GNAQ: variants seen among roughly 807,000 people sequenced by gnomAD.
The protein encoded by GNAQ is G protein subunit alpha q, also known as guanine nucleotide-binding protein G(q) subunit alpha.
Under a neutral mutation model 43.9 loss-of-function variants are expected in GNAQ, and 8 were observed. The ratio of observed to expected loss-of-function variants is 0.18; its 90% CI spans 0.11 to 0.33. GNAQ has a LOEUF of 0.33. Among genes scored for constraint, GNAQ ranks in the 10% least tolerant of loss-of-function variants. The probability of loss-of-function intolerance (pLI) is 1.00; values close to 1 mark genes in which losing one functional copy is unlikely to be tolerated. For missense variants in GNAQ, 158 were observed against 450.8 expected (o/e 0.35, Z 5.88); for synonymous variants, 155 against 170.7 (o/e 0.91, Z 0.71).
At chr9:77,941,253 A>G (rs369949675) in intron 1 of GNAQ, among the ~76,000 whole-genome samples, 1 of 151,590 alleles carries the variant, frequency 6.6e-6, no homozygotes, top group East Asian at 2.0e-4. Flanking sequence ...TAGCTACCAT[A>G]TCTTTTTTTT....
At chr9:78,012,238 C>CTT (rs1166567926) in intron 1 of GNAQ, among the ~76,000 whole-genome samples, 2,440 of 135,116 alleles carry the variant, frequency 0.018, 43 homozygotes, top group African/African-American at 0.036. Flanking sequence ...AAGGCATTTT[C>CTT]TTTTTTTTTT....
chr9:77,822,580 A>G (rs1270503550), intron 2 of GNAQ, among the ~76,000 whole-genome samples: 3 of 151,860 alleles, frequency 2.0e-5, no homozygotes, highest in Non-Finnish European at 2.9e-5. Flanking sequence ...TTCAGTTGGT[A>G]GAATTCAGAC....
intron 2 of GNAQ, among the ~76,000 whole-genome samples, chr9:77,875,624 T>C (rs1220553532): frequency 2.6e-5 from 4 of 152,196 alleles, no homozygotes; most frequent in African/African-American, 9.7e-5. Context: ...GCTTCAGAAT[T>C]TGAGCTCATG....
At chr9:78,025,387 G>C (rs893866470) in intron 1 of GNAQ, among the ~76,000 whole-genome samples, 2 of 152,208 alleles carry the variant, frequency 1.3e-5, no homozygotes, top group Non-Finnish European at 2.9e-5. Flanking sequence ...GGCAGAACAA[G>C]AGTAAACGTT....
intron 1 of GNAQ, among the ~76,000 whole-genome samples, chr9:78,005,099 T>C (rs958665859): frequency 2.0e-5 from 3 of 152,168 alleles, no homozygotes; most frequent in African/African-American, 7.2e-5. Context: ...TCACCCAGGC[T>C]GGAGTGCAGT....
chr9:77,787,862 T>C (rs565922967), intron 5 of GNAQ, among the ~76,000 whole-genome samples: 2 of 152,210 alleles, frequency 1.3e-5, no homozygotes, highest in South Asian at 4.1e-4. Context: ...AAACCCCACC[T>C]CTACTAAAAA....
intron 5 of GNAQ, among the ~76,000 whole-genome samples, chr9:77,752,645 T>C (rs1184118442): frequency 6.6e-6 from 1 of 152,232 alleles, no homozygotes; most frequent in Non-Finnish European, 1.5e-5. Flanking sequence ...TTTGTCTCCT[T>C]GTGTTCTTAG....
intron 1 of GNAQ, among the ~76,000 whole-genome samples, chr9:77,964,477 C>T (rs576788807): frequency 1.1e-3 from 170 of 152,224 alleles, no homozygotes; most frequent in Middle Eastern, 3.4e-3. Flanking sequence ...TTCCCAACAA[C>T]AACGAAAAAC....
At chr9:77,998,560 T>C (rs913497952) in intron 1 of GNAQ, among the ~76,000 whole-genome samples, 5 of 152,202 alleles carry the variant, frequency 3.3e-5, no homozygotes, top group African/African-American at 9.6e-5. Flanking sequence ...GGTACACATA[T>C]ACCACTTTCA....
At chr9:77,998,291 C>T (rs1315453524) in intron 1 of GNAQ, among the ~76,000 whole-genome samples, 2 of 152,212 alleles carry the variant, frequency 1.3e-5, no homozygotes, top group African/African-American at 4.8e-5. Flanking sequence ...CCTTTTTTGT[C>T]TGCAGCATTT....
intron 1 of GNAQ, among the ~76,000 whole-genome samples, chr9:78,006,135 G>C (rs1473995597): frequency 6.6e-6 from 1 of 152,128 alleles, no homozygotes; most frequent in Admixed American, 6.5e-5. Flanking sequence ...ATTCCCAGAG[G>C]TAAACTGTCA....
At chr9:77,791,485 A>G (rs552364839) in intron 5 of GNAQ, among the ~76,000 whole-genome samples, 4 of 152,188 alleles carry the variant, frequency 2.6e-5, no homozygotes, top group Non-Finnish European at 4.4e-5. Flanking sequence ...ACACACATCA[A>G]TAAGACAGTA....
intron 2 of GNAQ, among the ~76,000 whole-genome samples, chr9:77,873,071 A>G (rs1249214413): frequency 3.3e-5 from 5 of 152,228 alleles, no homozygotes; most frequent in South Asian, 4.1e-4. Flanking sequence ...GTATAATACA[A>G]TAAGATTTTG....
At chr9:77,770,792 T>C (rs1826211417) in intron 5 of GNAQ, among the ~76,000 whole-genome samples, 1 of 152,060 alleles carries the variant, frequency 6.6e-6, no homozygotes, top group South Asian at 2.1e-4. Flanking sequence ...AACAAAAAGA[T>C]TGTATATGTT....
At chr9:77,947,996 G>A (rs1394268318) in intron 1 of GNAQ, among the ~76,000 whole-genome samples, 1 of 152,186 alleles carries the variant, frequency 6.6e-6, no homozygotes, top group Non-Finnish European at 1.5e-5. Flanking sequence ...GGTGGTTCTT[G>A]AGGATTAAAT....
Position 77,870,840 on chromosome 9 carries a change from C to T in GNAQ, c.321+51321G>A, listed in dbSNP as rs572646149. Among the ~76,000 whole-genome samples, 5 of 151,776 alleles carry T rather than the reference C, an allele frequency of 3.3e-5. No individual in the cohort carries two copies. In the South Asian group the frequency reaches 1.0e-3, roughly 32 times the overall value. On this transcript the variant is annotated intron_variant, in intron 2 of 6. Coordinates refer to ENST00000286548, the MANE Select transcript of GNAQ (RefSeq NM_002072.5). ...CATTAAAAAAAAAACCTCAAAAACA[C>T]TATGTTGAATATAAGAAGCCAAACG...
chr9:78,030,878 T>C (rs1279466165), intron 1 of GNAQ, among the ~76,000 whole-genome samples: 8 of 132,420 alleles, frequency 6.0e-5, no homozygotes, highest in African/African-American at 2.5e-4. Flanking sequence ...GTGCTGCGTG[T>C]GTGTGTCGCT....
At chr9:77,873,773 T>A (rs1279398285) in intron 2 of GNAQ, among the ~76,000 whole-genome samples, 1 of 152,188 alleles carries the variant, frequency 6.6e-6, no homozygotes, top group Non-Finnish European at 1.5e-5. Context: ...ACCTATTGCA[T>A]TTGCATTCAG....
At chr9:77,794,827 C>T (rs939435228) in intron 4 of GNAQ, among the ~76,000 whole-genome samples, 12 of 151,960 alleles carry the variant, frequency 7.9e-5, no homozygotes, top group Non-Finnish European at 1.5e-4. Context: ...CCAGTGTGTA[C>T]GAAAACTGTA....
Sources: allele counts gnomAD v4.1 joint callset (sites outside exome capture counted in the v4.1 genomes callset), GRCh38; gene constraint gnomAD v4.1.1; transcripts MANE v1.5; gene names NCBI Gene and HGNC (gene_info 2026-07-23, HGNC 2026-07-21).